The following NXPE2 variants were observed in gnomAD, a reference collection of about 807,000 sequenced individuals.
The protein encoded by NXPE2 is neurexophilin and PC-esterase domain family member 2.
In NXPE2, 34 loss-of-function variants were observed where a neutral mutation model predicts 34.4. The ratio of observed to expected loss-of-function variants is 0.99; its 90% CI spans 0.75 to 1.31. The LOEUF is 1.31. Ranked by LOEUF, NXPE2 falls within the 40% of genes most tolerant of loss-of-function variation. The probability of loss-of-function intolerance (pLI) is 0.00; values close to 1 mark genes in which losing one functional copy is unlikely to be tolerated. For missense variants in NXPE2, 649 were observed against 672.5 expected (o/e 0.97, Z 0.39); for synonymous variants, 235 against 231.3 (o/e 1.02, Z -0.15).
At chr11:114,658,548 T>G in the NXPE2 span, among the ~76,000 whole-genome samples, 1 of 152,258 alleles carries the variant, frequency 6.6e-6, no homozygotes, top group African/African-American at 2.4e-5. Context: ...AGCTCCCTCA[T>G]GCCCTTCTTC....
chr11:114,545,690 TC>T, the NXPE2 span, among the ~76,000 whole-genome samples: 28 of 150,868 alleles, frequency 1.9e-4, no homozygotes, highest in African/African-American at 6.8e-4. Flanking sequence ...AAAGAGTGGA[TC>T]TTTTTTTTTT....
At chr11:114,687,347 C>T (rs773524283) in intron 2 of NXPE2, among the ~76,000 whole-genome samples, 4 of 152,012 alleles carry the variant, frequency 2.6e-5, no homozygotes, top group Non-Finnish European at 5.9e-5. Flanking sequence ...CCAGTTTTCC[C>T]AGCCCCATTT....
At chr11:114,488,935 A>G in the NXPE2 span, among the ~76,000 whole-genome samples, 1 of 152,126 alleles carries the variant, frequency 6.6e-6, no homozygotes, top group Non-Finnish European at 1.5e-5. Context: ...TTTTTTGAAA[A>G]GATCAACAAA....
downstream of NXPE2, among the ~76,000 whole-genome samples, chr11:114,711,446 A>T (rs1004192540): frequency 1.3e-5 from 2 of 152,092 alleles, no homozygotes; most frequent in African/African-American, 4.8e-5. Flanking sequence ...CAAAACCAAC[A>T]CTCAAAAATC....
chr11:114,586,361 G>A, the NXPE2 span, among the ~76,000 whole-genome samples: 4 of 152,304 alleles, frequency 2.6e-5, no homozygotes, highest in Non-Finnish European at 4.4e-5. Context: ...CCTGGGATCC[G>A]AGGAAGATTC....
chr11:114,715,540 G>A, the NXPE2 span, among the ~76,000 whole-genome samples: 2 of 152,182 alleles, frequency 1.3e-5, no homozygotes, highest in Non-Finnish European at 2.9e-5. Context: ...AAATTGTAAA[G>A]AAAAACCCAT....
the NXPE2 span, among the ~76,000 whole-genome samples, chr11:114,491,460 T>C: frequency 1.3e-5 from 2 of 152,090 alleles, no homozygotes; most frequent in African/African-American, 2.4e-5. Flanking sequence ...CACAATGAGA[T>C]ACCATCTCAC....
the NXPE2 span, among the ~76,000 whole-genome samples, chr11:114,670,640 T>TA: frequency 6.6e-6 from 1 of 152,030 alleles, no homozygotes; most frequent in African/African-American, 2.4e-5. Context: ...TACAGTGAGA[T>TA]ATGACTGTAC....
At chr11:114,758,402 G>A in the NXPE2 span, among the ~76,000 whole-genome samples, 1 of 152,200 alleles carries the variant, frequency 6.6e-6, no homozygotes, top group African/African-American at 2.4e-5. Context: ...CATTGGGACT[G>A]GGAAATTGGA....
At chr11:114,620,956 A>G in the NXPE2 span, among the ~76,000 whole-genome samples, 1 of 152,166 alleles carries the variant, frequency 6.6e-6, no homozygotes, top group Non-Finnish European at 1.5e-5. Flanking sequence ...CCTGTTGGAT[A>G]ATAAGTGTTC....
chr11:114,614,949 T>G, the NXPE2 span, among the ~76,000 whole-genome samples: 188 of 152,086 alleles, frequency 1.2e-3, no homozygotes, highest in African/African-American at 4.3e-3. Flanking sequence ...GGGTTACCAC[T>G]GTTACCTGGT....
chr11:114,675,725 T>G (rs1950851518), upstream of NXPE2, among the ~76,000 whole-genome samples: 1 of 151,924 alleles, frequency 6.6e-6, no homozygotes, highest in South Asian at 2.1e-4. Flanking sequence ...CCAATGGACT[T>G]TCTAACAGAA....
the NXPE2 span, among the ~76,000 whole-genome samples, chr11:114,517,062 A>G: frequency 6.6e-6 from 1 of 152,302 alleles, no homozygotes; most frequent in African/African-American, 2.4e-5. Context: ...CTCAAGGCCT[A>G]CCATATAATA....
the NXPE2 span, among the ~76,000 whole-genome samples, chr11:114,492,870 C>T: frequency 6.6e-6 from 1 of 152,160 alleles, no homozygotes; most frequent in South Asian, 2.1e-4. Flanking sequence ...GATTTTCTGT[C>T]TGGATGATCT....
At chr11:114,622,405 T>C in the NXPE2 span, among the ~76,000 whole-genome samples, 2 of 151,310 alleles carry the variant, frequency 1.3e-5, no homozygotes, top group Admixed American at 1.3e-4. Context: ...GGGTAACCAC[T>C]GTTACCCGGT....
chr11:114,469,323 C>T, the NXPE2 span, among the ~76,000 whole-genome samples: 1 of 151,406 alleles, frequency 6.6e-6, no homozygotes, highest in African/African-American at 2.4e-5. Flanking sequence ...CCGTGTTAGC[C>T]AGGATGGTCT....
chr11:114,658,202 G>A, the NXPE2 span, among the ~76,000 whole-genome samples: 2 of 152,300 alleles, frequency 1.3e-5, no homozygotes, highest in Non-Finnish European at 2.9e-5. Context: ...AAAATCTAAT[G>A]AAAGGCAGAG....
chr11:114,483,509 C>T, the NXPE2 span, among the ~76,000 whole-genome samples: 2 of 152,172 alleles, frequency 1.3e-5, no homozygotes, highest in Non-Finnish European at 2.9e-5. Context: ...AAGCCCAGTG[C>T]CTGGCACATC....
At chr11:114,501,258 T>C in the NXPE2 span, among the ~76,000 whole-genome samples, 2 of 152,192 alleles carry the variant, frequency 1.3e-5, no homozygotes, top group African/African-American at 2.4e-5. Flanking sequence ...TTTCTGTTTT[T>C]AGAAAGCTCT....
Sources: gnomAD v4.1 joint callset for allele counts (sites outside exome capture counted in the v4.1 genomes callset) on GRCh38, gnomAD v4.1.1 for gene constraint, MANE v1.5 for transcripts, NCBI Gene and HGNC (gene_info 2026-07-23, HGNC 2026-07-21) for gene names.